Variants in MYO18B observed in about 807,000 individuals in gnomAD.
MYO18B encodes the protein myosin XVIIIB.
A neutral mutation model predicts 273.0 loss-of-function variants in MYO18B; 204 were observed. The ratio of observed to expected loss-of-function variants is 0.75; its 90% CI spans 0.67 to 0.84. The LOEUF is 0.84. Ranked by LOEUF, MYO18B falls within the 40% of genes least tolerant of loss-of-function variation. The probability of loss-of-function intolerance (pLI) is 0.00; values close to 1 mark genes in which losing one functional copy is unlikely to be tolerated. For missense variants in MYO18B, 3,212 were observed against 3,287.6 expected (o/e 0.98, Z 0.56); for synonymous variants, 1,330 against 1,305.7 (o/e 1.02, Z -0.40).
chr22:25,993,873 C>T (rs977435225), intron 40 of MYO18B, among the ~76,000 whole-genome samples: 1 of 151,656 alleles, frequency 6.6e-6, no homozygotes, highest in Non-Finnish European at 1.5e-5. Flanking sequence ...CACCAACATT[C>T]TAACACTGAG....
chr22:25,748,322 C>T (rs541581415), intron 1 of MYO18B, among the ~76,000 whole-genome samples: 6 of 152,162 alleles, frequency 3.9e-5, no homozygotes, highest in African/African-American at 9.7e-5. Context: ...CTGCTATTGT[C>T]GCTGTAGGAC....
the MYO18B span, among the ~76,000 whole-genome samples, chr22:26,061,060 C>T: frequency 4.3e-4 from 49 of 114,620 alleles, 1 homozygote; most frequent in South Asian, 9.1e-3. Context: ...CAACTGTGAA[C>T]CTTCTGTAGC....
rs762675754 is a variant in MYO18B at position 25,763,327 on chromosome 22, G to A, written c.136G>A (p.Glu46Lys). Reference sequence around the variant, plus strand: ...CATTAAGCAACTGGTCCGGGGGACTGAAAAAGAGGCCAAGGAAGCGAGACA... The same window carrying A: ...CATTAAGCAACTGGTCCGGGGGACTAAAAAAGAGGCCAAGGAAGCGAGACA... ...GFIKQLVRGTEKEAKEARQRK... is the reference protein window; with the variant it reads ...GFIKQLVRGTKKEAKEARQRK... Residue 46 changes from glutamate (E) to lysine (K), a missense_variant, in exon 3 of 44, where the codon GAA (glutamate) becomes AAA (lysine). By Grantham distance (56) the Glu-to-Lys change is moderately conservative. Transcript: ENST00000335473. 1.6e-5 allele frequency: 26 copies of A among 1,612,356 alleles called. No individual in the cohort carries two copies. The South Asian group carries it at 2.6e-4, about 16-fold the overall frequency.
chr22:25,946,501 A>G (rs546638797), intron 35 of MYO18B, among the ~76,000 whole-genome samples: 2 of 152,220 alleles, frequency 1.3e-5, no homozygotes, highest in Non-Finnish European at 2.9e-5. Context: ...TCCTACTGTC[A>G]GCTGAGCATT....
chr22:25,948,483 T>C (rs1381208245), intron 36 of MYO18B, among the ~76,000 whole-genome samples: 1 of 142,286 alleles, frequency 7.0e-6, no homozygotes, highest in Non-Finnish European at 1.5e-5. Context: ...TCTTTCTTTC[T>C]TTCTCTTTCT....
intron 12 of MYO18B, 134 bp downstream of exon 12, chr22:25,798,231 G>A: frequency 5.0e-6 from 6 of 1,207,448 alleles, no homozygotes; most frequent in South Asian, 4.9e-5. Flanking sequence ...TTCCCTTGGG[G>A]AGGCTGCTGA....
At chr22:25,939,049 A>T (rs1411839692) in intron 34 of MYO18B, among the ~76,000 whole-genome samples, 1 of 152,186 alleles carries the variant, frequency 6.6e-6, no homozygotes, top group Non-Finnish European at 1.5e-5. Context: ...TCGTGGCCTC[A>T]AGTGATGCTC....
chr22:25,791,419 G>T (rs2087656508), intron 11 of MYO18B, among the ~76,000 whole-genome samples: 1 of 152,234 alleles, frequency 6.6e-6, no homozygotes, highest in African/African-American at 2.4e-5. Flanking sequence ...GGTCCTCAGA[G>T]GCTGTGTGTA....
chr22:25,813,345 C>G (rs1302751877), intron 12 of MYO18B, among the ~76,000 whole-genome samples: 1 of 152,064 alleles, frequency 6.6e-6, no homozygotes, highest in Non-Finnish European at 1.5e-5. Flanking sequence ...CCACCGCACC[C>G]TGTCCCTCTC....
chr22:25,916,843 C>A (rs2092268406), intron 33 of MYO18B, among the ~76,000 whole-genome samples: 1 of 152,106 alleles, frequency 6.6e-6, no homozygotes, highest in African/African-American at 2.4e-5. Context: ...ACCAGCCTGA[C>A]CAACATGGTG....
intron 6 of MYO18B, among the ~76,000 whole-genome samples, chr22:25,772,108 A>C (rs2086741726): frequency 6.6e-6 from 1 of 152,182 alleles, no homozygotes. Flanking sequence ...CACAGCGAAG[A>C]GGGGGTGCCT....
intron 39 of MYO18B, among the ~76,000 whole-genome samples, chr22:25,978,938 C>T (rs2146777434): frequency 6.6e-6 from 1 of 152,270 alleles, no homozygotes; most frequent in South Asian, 2.1e-4. Flanking sequence ...CAGAGCAAGA[C>T]TCTGTCTCCA....
intron 37 of MYO18B, among the ~76,000 whole-genome samples, chr22:25,951,635 T>C (rs895975738): frequency 6.6e-6 from 1 of 152,146 alleles, no homozygotes; most frequent in African/African-American, 2.4e-5. Context: ...ACCTAGAGGG[T>C]TGCTATTATC....
chr22:25,961,451 A>G (rs1341836527), intron 39 of MYO18B, among the ~76,000 whole-genome samples: 1 of 152,190 alleles, frequency 6.6e-6, no homozygotes, highest in Non-Finnish European at 1.5e-5. Flanking sequence ...TCCCTCAAGC[A>G]TCATGTTGAA....
chr22:25,842,393 C>T (rs766193515), intron 17 of MYO18B, among the ~76,000 whole-genome samples: 36 of 152,284 alleles, frequency 2.4e-4, no homozygotes, highest in Non-Finnish European at 4.9e-4. Flanking sequence ...CATCTGGGGG[C>T]CAGGTGCGGT....
the MYO18B span, among the ~76,000 whole-genome samples, chr22:26,048,217 C>T: frequency 1.3e-5 from 2 of 152,102 alleles, no homozygotes; most frequent in Non-Finnish European, 2.9e-5. Flanking sequence ...GTAAAAGCCA[C>T]GAGGACAAGA....
chr22:25,876,003 C>T (rs1035561411), intron 23 of MYO18B, among the ~76,000 whole-genome samples, 186 bp from the exon 24 acceptor site: 1 of 139,922 alleles, frequency 7.1e-6, no homozygotes, highest in Non-Finnish European at 1.6e-5. Context: ...AAAGGAAGCC[C>T]GTGTGTGTGT....
At chr22:25,873,805 C>T (rs974097794) in intron 22 of MYO18B, among the ~76,000 whole-genome samples, 5 of 152,192 alleles carry the variant, frequency 3.3e-5, no homozygotes, top group African/African-American at 1.2e-4. Context: ...AAAATATTCA[C>T]ATTCCCAGGC....
At chr22:25,911,567 T>G (rs2092159739) in intron 33 of MYO18B, among the ~76,000 whole-genome samples, 1 of 152,202 alleles carries the variant, frequency 6.6e-6, no homozygotes, top group Non-Finnish European at 1.5e-5. Flanking sequence ...TGTCCATCAG[T>G]GTACACCAGG....
Sources: allele counts gnomAD v4.1 joint callset (sites outside exome capture counted in the v4.1 genomes callset), GRCh38; gene constraint gnomAD v4.1.1; transcripts MANE v1.5; gene names NCBI Gene and HGNC (gene_info 2026-07-23, HGNC 2026-07-21).